Variants in TRHDE observed in about 807,000 individuals in gnomAD.
The protein encoded by TRHDE is thyrotropin releasing hormone degrading enzyme, also known as thyrotropin-releasing hormone-degrading ectoenzyme.
A neutral mutation model predicts 125.7 loss-of-function variants in TRHDE; 72 were observed. That is an observed-to-expected ratio of 0.57 (90% CI 0.47 to 0.70). The LOEUF is 0.70. TRHDE is among the 30% of genes least tolerant of loss of function. The probability of loss-of-function intolerance (pLI) is 0.00; values close to 1 mark genes in which losing one functional copy is unlikely to be tolerated. For synonymous variants in TRHDE, 509 were observed against 509.1 expected, an observed-to-expected ratio of 1.00 and a Z score of 0.00; for missense variants, 1,110 against 1,327.1, an observed-to-expected ratio of 0.84 and a Z score of 2.54.
chr12:72,663,076 G>A lies in TRHDE; in HGVS notation c.3091G>A (p.Asp1031Asn), dbSNP rs1439899623. ...GCTCAAGAACTTCATGAAAAACTAT[G>A]ATGGGGTAGCTGCTGCTTCTTTCTC... is the stretch of plus-strand genomic sequence containing the variant. ...KELKNFMKNY[D>N]GVAAASFSRA... Residue 1031 changes from aspartate to asparagine, a missense_variant, in exon 19 of 19, where the codon GAT becomes AAT. By Grantham distance (23) the Asp-to-Asn change is conservative. Coordinates refer to ENST00000261180, the MANE Select transcript of TRHDE (RefSeq NM_013381.3). The A allele has an allele frequency of 6.2e-7, 1 of 1,611,744 alleles. No individual in the cohort carries two copies. Among genetic ancestry groups the A allele is most frequent in the Admixed American group, 1.7e-5 (1 of 59,676 alleles).
At chr12:72,372,680 G>GT (rs1370421836) in intron 2 of TRHDE, among the ~76,000 whole-genome samples, 1 of 152,118 alleles carries the variant, frequency 6.6e-6, no homozygotes, top group Non-Finnish European at 1.5e-5. Flanking sequence ...TCTCAGGTTT[G>GT]TCAAAGATCA....
chr12:72,305,918 C>T (rs1239025179), intron 2 of TRHDE, among the ~76,000 whole-genome samples: 2 of 152,138 alleles, frequency 1.3e-5, no homozygotes, highest in African/African-American at 4.8e-5. Flanking sequence ...TGGTGTTCTA[C>T]CTCTCTCTAC....
chr12:72,306,114 G>C (rs1264617050), intron 2 of TRHDE, among the ~76,000 whole-genome samples: 1 of 152,206 alleles, frequency 6.6e-6, no homozygotes, highest in East Asian at 1.9e-4. Context: ...TCTGCTGGTG[G>C]ATATCAAATC....
chr12:72,530,774 C>T (rs898233042), intron 6 of TRHDE, among the ~76,000 whole-genome samples: 1 of 151,992 alleles, frequency 6.6e-6, no homozygotes, highest in Non-Finnish European at 1.5e-5. Flanking sequence ...TCTTACCTAA[C>T]ATATGAGAGC....
At chr12:72,649,623 A>G (rs1054056553) in intron 15 of TRHDE, among the ~76,000 whole-genome samples, 2 of 152,136 alleles carry the variant, frequency 1.3e-5, no homozygotes, top group African/African-American at 4.8e-5. Context: ...GGGAGAAAAT[A>G]TTTGCAAACC....
At chr12:72,412,174 A>T (rs1435320996) in intron 3 of TRHDE, among the ~76,000 whole-genome samples, 2 of 152,178 alleles carry the variant, frequency 1.3e-5, no homozygotes, top group African/African-American at 4.8e-5. Context: ...AAAGTGTGGT[A>T]AGACAAATTA....
At chr12:72,363,525 G>T (rs1315329722) in intron 2 of TRHDE, among the ~76,000 whole-genome samples, 1 of 152,034 alleles carries the variant, frequency 6.6e-6, no homozygotes, top group African/African-American at 2.4e-5. Flanking sequence ...AAAGCCACAT[G>T]ATTATCTCAA....
intron 2 of TRHDE, among the ~76,000 whole-genome samples, chr12:72,128,954 A>G (rs1031067529): frequency 3.9e-5 from 6 of 152,212 alleles, no homozygotes; most frequent in East Asian, 1.9e-4. Flanking sequence ...CTAGTGAAAG[A>G]AAGAGGAAAA....
At chr12:72,482,334 C>T (rs1291502057) in intron 5 of TRHDE, among the ~76,000 whole-genome samples, 1 of 151,694 alleles carries the variant, frequency 6.6e-6, no homozygotes, top group Non-Finnish European at 1.5e-5. Flanking sequence ...AAATACAGAG[C>T]CATCACCTCA....
At chr12:72,297,933 G>C (rs1034662749) in intron 2 of TRHDE, among the ~76,000 whole-genome samples, 1 of 152,176 alleles carries the variant, frequency 6.6e-6, no homozygotes, top group South Asian at 2.1e-4. Context: ...GTTAATGGAG[G>C]AGCTTATAGA....
chr12:72,223,844 A>G (rs940908141), intron 2 of TRHDE, among the ~76,000 whole-genome samples: 1 of 151,996 alleles, frequency 6.6e-6, no homozygotes, highest in African/African-American at 2.4e-5. Context: ...ATCCAGCTCA[A>G]AGCATTACCT....
intron 3 of TRHDE, among the ~76,000 whole-genome samples, chr12:72,450,768 G>A (rs1875531074): frequency 6.6e-6 from 1 of 152,098 alleles, no homozygotes; most frequent in South Asian, 2.1e-4. Flanking sequence ...AAGGGAATGT[G>A]TGCAAGGATT....
intron 2 of TRHDE, among the ~76,000 whole-genome samples, chr12:72,154,925 A>G (rs1876466596): frequency 6.6e-6 from 1 of 152,134 alleles, no homozygotes; most frequent in Non-Finnish European, 1.5e-5. Flanking sequence ...TACTTCTTGA[A>G]TTTGAATATT....
intron 15 of TRHDE, among the ~76,000 whole-genome samples, chr12:72,641,451 A>G (rs1874056314): frequency 6.6e-6 from 1 of 152,226 alleles, no homozygotes; most frequent in East Asian, 1.9e-4. Flanking sequence ...GCAGATGTTA[A>G]GATCCTCGTC....
chr12:72,642,453 G>A (rs1874104962), intron 15 of TRHDE, among the ~76,000 whole-genome samples: 1 of 151,962 alleles, frequency 6.6e-6, no homozygotes, highest in African/African-American at 2.4e-5. Context: ...AAATGAGAAT[G>A]GAATAAACTA....
At chr12:72,115,450 G>A (rs1010931901) in intron 2 of TRHDE, among the ~76,000 whole-genome samples, 2 of 151,896 alleles carry the variant, frequency 1.3e-5, no homozygotes, top group Non-Finnish European at 2.9e-5. Context: ...TTTATTTGTT[G>A]ATAAGATGCT....
intron 2 of TRHDE, among the ~76,000 whole-genome samples, chr12:72,215,131 C>T (rs1164444253): frequency 2.6e-5 from 4 of 151,798 alleles, no homozygotes; most frequent in East Asian, 1.9e-4. Context: ...AGGGTGGGGC[C>T]GTTTTATAGG....
chr12:72,147,636 C>T (rs1279151540), intron 2 of TRHDE: 1 of 152,162 alleles, frequency 6.6e-6, no homozygotes, highest in Non-Finnish European at 1.5e-5. Context: ...CTCGAAAAGC[C>T]ATTAAAAAAG....
intron 2 of TRHDE, among the ~76,000 whole-genome samples, chr12:72,122,512 A>G (rs1243985638): frequency 1.3e-5 from 2 of 152,232 alleles, no homozygotes; most frequent in Non-Finnish European, 2.9e-5. Flanking sequence ...GTAGAATGTC[A>G]TGTCCAAGAA....
Sources: allele counts gnomAD v4.1 joint callset (sites outside exome capture counted in the v4.1 genomes callset), GRCh38; gene constraint gnomAD v4.1.1; transcripts MANE v1.5; gene names NCBI Gene and HGNC (gene_info 2026-07-23, HGNC 2026-07-21).